Variants in MBD5 observed in about 807,000 individuals in gnomAD.
MBD5 encodes methyl-CpG binding domain protein 5, also known as methyl-CpG-binding domain protein 5.
A neutral mutation model predicts 117.3 loss-of-function variants in MBD5; 13 were observed. The observed-to-expected ratio is 0.11, with a 90% CI of 0.07 to 0.18. MBD5 has a LOEUF of 0.18. Among genes scored for constraint, MBD5 ranks in the 10% least tolerant of loss-of-function variants. The pLI, the probability that MBD5 is intolerant of heterozygous loss-of-function variation, is 1.00. For synonymous variants in MBD5, 727 were observed against 766.4 expected (o/e 0.95, Z 0.85); for missense variants, 1,879 against 2,093.8 (o/e 0.90, Z 2.00).
intron 1 of MBD5, among the ~76,000 whole-genome samples, chr2:148,146,991 T>C (rs1333023705): frequency 6.6e-6 from 1 of 152,118 alleles, no homozygotes; most frequent in Admixed American, 6.5e-5. Flanking sequence ...TTCTTTCTTT[T>C]TACTGTTATT....
intron 3 of MBD5, chr2:148,264,474 G>T (rs1700809558): frequency 6.6e-6 from 1 of 152,192 alleles, no homozygotes; most frequent in Non-Finnish European, 1.5e-5. Context: ...TCTCTTTCTA[G>T]TATGCTTTTG....
At chr2:148,090,514 C>G (rs886098275) in intron 1 of MBD5, among the ~76,000 whole-genome samples, 2 of 151,996 alleles carry the variant, frequency 1.3e-5, no homozygotes, top group Non-Finnish European at 2.9e-5. Flanking sequence ...GGGTTTCATA[C>G]CAGGGATGCA....
intron 1 of MBD5, among the ~76,000 whole-genome samples, chr2:148,130,336 A>C (rs1697008110): frequency 6.6e-6 from 1 of 152,188 alleles, no homozygotes; most frequent in African/African-American, 2.4e-5. Context: ...GACCCTGTAC[A>C]TCTCAGATGC....
intron 2 of MBD5, among the ~76,000 whole-genome samples, chr2:148,205,130 G>T (rs766248048): frequency 2.0e-5 from 3 of 151,792 alleles, no homozygotes; most frequent in Non-Finnish European, 4.4e-5. Context: ...TGGCTAGAGT[G>T]CAGTGGCGTA....
At chr2:148,441,823 TTGTGG>T (rs1194118938) in intron 4 of MBD5, among the ~76,000 whole-genome samples, 1 of 152,058 alleles carries the variant, frequency 6.6e-6, no homozygotes, top group African/African-American at 2.4e-5. Flanking sequence ...TGGTATCTCA[TTGTGG>T]TTTTGATTTG....
At chr2:148,196,445 A>G (rs1698989875) in intron 2 of MBD5, among the ~76,000 whole-genome samples, 1 of 152,170 alleles carries the variant, frequency 6.6e-6, no homozygotes, top group South Asian at 2.1e-4. Flanking sequence ...AGCATTCTGA[A>G]AGAGTCCCTT....
chr2:148,279,630 A>G (rs190574440), intron 3 of MBD5, among the ~76,000 whole-genome samples: 1 of 152,208 alleles, frequency 6.6e-6, no homozygotes, highest in Non-Finnish European at 1.5e-5. Flanking sequence ...TTTGCTTAGA[A>G]TATCATTTCC....
intron 3 of MBD5, among the ~76,000 whole-genome samples, chr2:148,330,332 A>G (rs903461486): frequency 6.6e-6 from 1 of 152,124 alleles, no homozygotes; most frequent in Admixed American, 6.5e-5. Flanking sequence ...GGATATGCTG[A>G]TTGACTTTGG....
chr2:148,344,413 G>A (rs939829175), intron 4 of MBD5, among the ~76,000 whole-genome samples: 2 of 151,922 alleles, frequency 1.3e-5, no homozygotes, highest in Non-Finnish European at 2.9e-5. Flanking sequence ...GGGCAGTATG[G>A]CCCTTTTAAA....
At chr2:148,065,682 G>T (rs1282094771) in intron 1 of MBD5, among the ~76,000 whole-genome samples, 1 of 152,182 alleles carries the variant, frequency 6.6e-6, no homozygotes, top group Non-Finnish European at 1.5e-5. Context: ...AACCATAGAT[G>T]ACATGGAAAG....
At chr2:148,103,005 A>G (rs1696271727) in intron 1 of MBD5, among the ~76,000 whole-genome samples, 1 of 152,164 alleles carries the variant, frequency 6.6e-6, no homozygotes. Flanking sequence ...ACTCACCAAG[A>G]AAAGATAGAT....
At chr2:148,087,623 A>G (rs929849064) in intron 1 of MBD5, among the ~76,000 whole-genome samples, 2 of 152,112 alleles carry the variant, frequency 1.3e-5, no homozygotes, top group Non-Finnish European at 2.9e-5. Flanking sequence ...GATAACAATC[A>G]CTGTAGTCTG....
chr2:148,283,057 G>T (rs1026829786), intron 3 of MBD5, among the ~76,000 whole-genome samples: 1 of 151,946 alleles, frequency 6.6e-6, no homozygotes, highest in African/African-American at 2.4e-5. Context: ...CCATTATCCA[G>T]TCACCTCACC....
chr2:148,287,841 C>T (rs940594958), intron 3 of MBD5, among the ~76,000 whole-genome samples: 6 of 151,994 alleles, frequency 3.9e-5, no homozygotes, highest in African/African-American at 1.5e-4. Context: ...GAGGGCAGAC[C>T]CCTCATAACC....
intron 3 of MBD5, among the ~76,000 whole-genome samples, chr2:148,298,710 T>C (rs903574008): frequency 6.6e-6 from 1 of 152,208 alleles, no homozygotes; most frequent in South Asian, 2.1e-4. Flanking sequence ...TATCAATATA[T>C]TGCTTATAGC....
intron 1 of MBD5, among the ~76,000 whole-genome samples, chr2:148,161,202 C>A (rs962211074): frequency 1.1e-4 from 16 of 152,152 alleles, no homozygotes; most frequent in Admixed American, 9.2e-4. Flanking sequence ...ACCACAAACA[C>A]CCCTATCTTA....
intron 12 of MBD5, among the ~76,000 whole-genome samples, chr2:148,509,428 A>T (rs1401977478): frequency 6.6e-6 from 1 of 152,220 alleles, no homozygotes; most frequent in African/African-American, 2.4e-5. Flanking sequence ...CAGAGAAGTG[A>T]TAGGCACCCT....
chr2:148,383,660 A>G (rs909085791), intron 4 of MBD5, among the ~76,000 whole-genome samples: 2 of 152,194 alleles, frequency 1.3e-5, no homozygotes, highest in African/African-American at 4.8e-5. Context: ...CAAAAAAAAA[A>G]AGAGAATTTT....
At chr2:148,512,630 T>C (rs1682252156) in intron 13 of MBD5, among the ~76,000 whole-genome samples, 1 of 152,250 alleles carries the variant, frequency 6.6e-6, no homozygotes, top group South Asian at 2.1e-4. Flanking sequence ...TTCCACTGTC[T>C]ATTGGCACCC....
Sources: gnomAD v4.1 joint callset for allele counts (sites outside exome capture counted in the v4.1 genomes callset) on GRCh38, gnomAD v4.1.1 for gene constraint, MANE v1.5 for transcripts, NCBI Gene and HGNC (gene_info 2026-07-23, HGNC 2026-07-21) for gene names.